Variants in PGM5 observed in about 807,000 individuals in gnomAD.
The protein encoded by PGM5 is phosphoglucomutase 5, also known as phosphoglucomutase-like protein 5.
PGM5 carries 23 observed loss-of-function variants against 59.2 expected under a neutral mutation model. The ratio of observed to expected loss-of-function variants is 0.39; its 90% confidence interval spans 0.28 to 0.55. The LOEUF (loss-of-function observed/expected upper bound fraction) is 0.55. PGM5 is among the 20% of genes least tolerant of loss of function. PGM5 has a pLI of 0.66. For missense variants in PGM5, 574 were observed against 748.3 expected (o/e 0.77, Z 2.72); for synonymous variants, 214 against 286.0 (o/e 0.75, Z 2.54).
intron 1 of PGM5, among the ~76,000 whole-genome samples, chr9:68,361,902 C>T (rs567212695): frequency 2.0e-5 from 3 of 151,994 alleles, no homozygotes; most frequent in Admixed American, 2.0e-4. Context: ...GTGAGATGAT[C>T]GCAAGGTTAG....
intron 9 of PGM5, among the ~76,000 whole-genome samples, chr9:68,487,026 T>C (rs1278134588): frequency 5.9e-5 from 9 of 152,210 alleles, no homozygotes; most frequent in African/African-American, 2.2e-4. Flanking sequence ...GAAGGAGATT[T>C]GATTTCTATA....
rs781946999 is a variant in PGM5, at chr9:68,387,455, A to C, written c.572-8A>C. On this transcript the variant is annotated splice_polypyrimidine_tract_variant and splice_region_variant and intron_variant, in intron 3 of 10. Coordinates refer to ENST00000396396, the MANE Select transcript of PGM5 (RefSeq NM_021965.4). ...CAATGACATTTTCCTTTGTTTTTCT[A>C]TCTTTAGTGGAGATAGTGGACCCAG... The C allele has an allele frequency of 1.9e-6, 3 of 1,606,918 alleles. No individual in the cohort carries two copies. In the East Asian group the frequency reaches 6.7e-5, roughly 36 times the overall value.
chr9:68,409,538 T>C (rs1219114820), intron 6 of PGM5, among the ~76,000 whole-genome samples: 16 of 143,140 alleles, frequency 1.1e-4, no homozygotes, highest in Non-Finnish European at 1.1e-4. Context: ...TGGAATACTA[T>C]GCAGCCATAA....
At chr9:68,413,895 G>A (rs1822978530) in intron 6 of PGM5, among the ~76,000 whole-genome samples, 1 of 152,200 alleles carries the variant, frequency 6.6e-6, no homozygotes, top group African/African-American at 2.4e-5. Flanking sequence ...TATATGCTAT[G>A]GTTTGGGTGT....
rs1822254516 is a variant in PGM5 at position 68,387,508 on chromosome 9, C to T, written c.617C>T (p.Thr206Ile). 1 of 1,611,876 alleles carries T rather than the reference C, an allele frequency of 6.2e-7. No homozygotes were observed. Among genetic ancestry groups the T allele is most frequent in the African/African-American group, 1.3e-5 (1 of 74,788 alleles). ...PVDIYLNLLR[T>I]IFDFHAIKGL... ...GATATCTATCTTAACCTCCTTCGGACCATCTTTGACTTTCATGCCATCAAG... is the reference window on the plus strand; with the variant it reads ...GATATCTATCTTAACCTCCTTCGGATCATCTTTGACTTTCATGCCATCAAG... Residue 206 changes from threonine to isoleucine, a missense_variant, in exon 4 of 11, where the codon ACC becomes ATC. Thr to Ile is a moderately conservative substitution (Grantham distance 89). This residue lies in a region of PGM5 where 103 missense variants were observed against 112.4 expected (regional missense o/e 0.92). Coordinates refer to ENST00000396396, the MANE Select transcript of PGM5 (RefSeq NM_021965.4).
At chr9:68,427,907 T>C in intron 6 of PGM5, among the ~76,000 whole-genome samples, 1 of 152,170 alleles carries the variant, frequency 6.6e-6, no homozygotes, top group East Asian at 1.9e-4. Flanking sequence ...CTGTGGAAAC[T>C]CACAGAGAAC....
At chr9:68,516,600 G>A (rs868044404) in intron 10 of PGM5, among the ~76,000 whole-genome samples, 1 of 152,196 alleles carries the variant, frequency 6.6e-6, no homozygotes, top group African/African-American at 2.4e-5. Flanking sequence ...AGGAGGTAGT[G>A]GGGTGGGCCT....
At chr9:68,417,364 A>G (rs1232934427) in intron 6 of PGM5, among the ~76,000 whole-genome samples, 1 of 152,086 alleles carries the variant, frequency 6.6e-6, no homozygotes, top group East Asian at 1.9e-4. Context: ...GAAGCTCTTT[A>G]CTGCCCCCTA....
At chr9:68,450,541 T>G (rs781957699) in intron 6 of PGM5, among the ~76,000 whole-genome samples, 5 of 152,252 alleles carry the variant, frequency 3.3e-5, no homozygotes, top group Non-Finnish European at 7.3e-5. Context: ...GTTAGGCCTT[T>G]AAGGCCACTA....
intron 9 of PGM5, chr9:68,498,242 G>C (rs1208030429): frequency 6.6e-6 from 1 of 152,048 alleles, no homozygotes; most frequent in Non-Finnish European, 1.5e-5. Flanking sequence ...TTACACTAAA[G>C]GTGTTTCTAT....
In PGM5 at chr9:68,529,568, C is replaced by A. The variant is rs1164780562; in HGVS notation, c.1616C>A (p.Ala539Glu). The A allele has an allele frequency of 9.4e-6, 15 of 1,589,094 alleles. No individual in the cohort carries two copies. Among genetic ancestry groups the A allele is most frequent in the Non-Finnish European group, 1.0e-5 (12 of 1,163,632 alleles). ...CAGACTTTCCTTTTCCTTTTGCAGG[C>A]AGTGCTGAGCCCTCTCATAGCCATC... is the stretch of plus-strand genomic sequence containing the variant. The part of the protein sequence containing the change: ...DPSGHDQEPQ[A>E]VLSPLIAIAL... Residue 539 changes from alanine (A) to glutamate (E), a missense_variant and splice_region_variant, in exon 11 of 11, where the codon GCA becomes GAA. Transcript: ENST00000396396.
chr9:68,513,836 A>C (rs572715382), intron 10 of PGM5, among the ~76,000 whole-genome samples: 6 of 152,178 alleles, frequency 3.9e-5, no homozygotes, highest in Non-Finnish European at 8.8e-5. Flanking sequence ...TACATTTTAG[A>C]CTGTCTTTGA....
chr9:68,442,418 A>T (rs1823544548), intron 6 of PGM5, among the ~76,000 whole-genome samples: 1 of 152,152 alleles, frequency 6.6e-6, no homozygotes, highest in African/African-American at 2.4e-5. Context: ...AGCCACCACC[A>T]TGCCCAGCTA....
chr9:68,415,817 T>TCTATCTATCTA (rs1563999521), intron 6 of PGM5, among the ~76,000 whole-genome samples: 10 of 46,102 alleles, frequency 2.2e-4, no homozygotes, highest in East Asian at 6.8e-4. Flanking sequence ...CTATCTATCT[T>TCTATCTATCTA]ATCTATCTAT....
At chr9:68,374,992 G>T (rs2131987859) in intron 1 of PGM5, among the ~76,000 whole-genome samples, 1 of 151,844 alleles carries the variant, frequency 6.6e-6, no homozygotes, top group East Asian at 2.0e-4. Context: ...TGTTGGTATT[G>T]GTTTGGTCAT....
intron 6 of PGM5, among the ~76,000 whole-genome samples, chr9:68,419,881 G>C (rs1823099087): frequency 6.6e-6 from 1 of 152,120 alleles, no homozygotes; most frequent in African/African-American, 2.4e-5. Context: ...ATTCTACAGA[G>C]TGTTAATGCT....
At chr9:68,474,960 A>G (rs1554686549) in intron 7 of PGM5, among the ~76,000 whole-genome samples, 1 of 149,340 alleles carries the variant, frequency 6.7e-6, no homozygotes, top group African/African-American at 2.5e-5. Flanking sequence ...TAGAAAAGGC[A>G]TGTTTTAAAT....
Position 68,479,480 on chromosome 9 carries a change from G to T in PGM5, c.1222G>T (p.Ala408Ser), listed in dbSNP as rs1232827098. 2.5e-6 allele frequency: 4 copies of T among 1,613,880 alleles called. No homozygotes were observed. The African/African-American group carries it at 5.3e-5, about 22-fold the overall frequency. The change falls in exon 8 of 11, where the codon GCT becomes TCT. Residue 408 changes from alanine (A) to serine (S), a missense_variant. Physicochemically the swap from Ala to Ser is moderately conservative, Grantham distance 99. Transcript: ENST00000396396. ...TGTCTTGGTCTGGCTCTCCATTATT[G>T]CTGCCCGGAAGCAGAGTGTGGAGGA... is the stretch of plus-strand genomic sequence containing the variant. ...WAVLVWLSII[A>S]ARKQSVEEIV... is the part of the protein sequence containing the mutation.
At chr9:68,472,602 A>C (rs1824039312) in intron 7 of PGM5, among the ~76,000 whole-genome samples, 1 of 152,206 alleles carries the variant, frequency 6.6e-6, no homozygotes, top group Non-Finnish European at 1.5e-5. Flanking sequence ...AGCTACCCTT[A>C]GTGAGGAGCA....
Sources: allele counts gnomAD v4.1 joint callset (sites outside exome capture counted in the v4.1 genomes callset), GRCh38; gene constraint gnomAD v4.1.1; regional missense constraint gnomAD v4.1.1; transcripts MANE v1.5; gene names NCBI Gene and HGNC (gene_info 2026-07-23, HGNC 2026-07-21).